MATK: variants seen among roughly 807,000 people sequenced by gnomAD.
The protein encoded by MATK is megakaryocyte-associated tyrosine kinase.
MATK carries 41 observed loss-of-function variants against 59.8 expected under a neutral mutation model. The ratio of observed to expected loss-of-function variants is 0.69; its 90% CI spans 0.53 to 0.89. MATK has a LOEUF of 0.89. Ranked by LOEUF, MATK falls within the 40% of genes least tolerant of loss-of-function variation. The pLI, the probability that MATK is intolerant of heterozygous loss-of-function variation, is 0.00. For synonymous variants in MATK, 308 were observed against 306.1 expected (o/e 1.01, Z -0.06); for missense variants, 593 against 719.6 (o/e 0.82, Z 2.01).
upstream of MATK, chr19:3,786,454 G>C: frequency 1.1e-6 from 1 of 948,798 alleles, no homozygotes; most frequent in Non-Finnish European, 1.3e-6. The surrounding 1 kb of genome is among the most constrained non-coding windows in gnomAD (Gnocchi z 4.1). Flanking sequence ...GGCGCCTCCC[G>C]CGCGCCCCGG....
upstream of MATK, chr19:3,787,726 G>A (rs1376797143): frequency 6.6e-6 from 1 of 151,962 alleles, no homozygotes; most frequent in Non-Finnish European, 1.5e-5. Context: ...CTGAAACAAA[G>A]ATGAAGTTCA....
intron 1 of MATK, among the ~76,000 whole-genome samples, chr19:3,791,873 C>T (rs375749888): frequency 6.6e-5 from 10 of 151,654 alleles, no homozygotes; most frequent in African/African-American, 2.2e-4. Flanking sequence ...TTTGGGAGGC[C>T]GAGGTGGGTG....
intron 6 of MATK, 120 bp from the exon 7 acceptor site, chr19:3,783,339 G>A (rs1326027679): frequency 1.4e-6 from 1 of 715,778 alleles, no homozygotes; most frequent in Non-Finnish European, 2.4e-6. Flanking sequence ...AGAAAGGCTG[G>A]TTTCCATAGG....
chr19:3,785,127 C>T lies in MATK; in HGVS notation c.9G>A (p.Gly3=), dbSNP rs1408077323. The T allele has an allele frequency of 6.2e-7, 1 of 1,614,104 alleles. No homozygotes were observed. The highest frequency in any genetic ancestry group is 8.5e-7 in the Non-Finnish European group (1 of 1,180,006). ...CCCGCCAGGAAACCAGAGAGCCTCGCCCCGCCATCGCCCCCAGAGGGAAAC... is the reference window on the plus strand; with the variant it reads ...CCCGCCAGGAAACCAGAGAGCCTCGTCCCGCCATCGCCCCCAGAGGGAAAC... MA[G]RGSLVSWRAF... is the part of the protein sequence containing the mutation. Residue 3 remains glycine, a synonymous_variant, in exon 2 of 14, where the codon GGG becomes GGA. Transcript: ENST00000310132.
chr19:3,784,470 G>C lies in MATK; in HGVS notation c.133-19C>G. 6.5e-7 allele frequency: 1 copy of C among 1,549,810 alleles called. No homozygotes were observed. The highest frequency in any genetic ancestry group is 1.1e-5 in the South Asian group (1 of 87,130). ...AGCGCCTCTGCAGAGGGGGCCGGGA[G>C]AGGGGCAAAGGGAGGACATCACGGA... On this transcript the variant is annotated intron_variant, in intron 3 of 13. Transcript: ENST00000310132.
chr19:3,780,163 C>T (rs1212765454), intron 8 of MATK, among the ~76,000 whole-genome samples: 1 of 152,014 alleles, frequency 6.6e-6, no homozygotes, highest in Non-Finnish European at 1.5e-5. Flanking sequence ...GCCTGTAATC[C>T]CAGCTACTCG....
Position 3,785,366 on chromosome 19 carries a change from G to T in MATK, c.-151-80C>A. 2.0e-6 allele frequency: 2 copies of T among 1,009,352 alleles called. 1 individual carries two copies. The highest frequency in any genetic ancestry group is 3.4e-5 in the South Asian group (2 of 59,260). The allele number at this position is 1,009,352 out of a possible 1,614,324, so 62.5% of individuals were successfully genotyped here. A position where few individuals can be genotyped will look rare whatever the true frequency, so the allele number is the denominator to read the frequency against. ...CAAGAATCTCTGACCGTGGGGTGGA[G>T]CTGGGGGCAGGGGCGGGTCCTGTAG... is the stretch of plus-strand genomic sequence containing the variant. On this transcript the variant is annotated intron_variant, in intron 1 of 13. Transcript: ENST00000310132.
intron 6 of MATK, among the ~76,000 whole-genome samples, chr19:3,783,601 C>T (rs1478624844): frequency 6.6e-6 from 1 of 152,070 alleles, no homozygotes; most frequent in Non-Finnish European, 1.5e-5. Context: ...CTGGGGGGCC[C>T]TGGGGAATAC....
In MATK at chr19:3,779,085, G is replaced by T; in HGVS notation, c.1104C>A (p.Val368=). The T allele has an allele frequency of 6.2e-7, 1 of 1,609,722 alleles. No individual in the cohort carries two copies. The change falls in exon 12 of 14, where the codon GTC becomes GTA. Residue 368 remains valine, a synonymous_variant. Coordinates refer to ENST00000310132, the MANE Select transcript of MATK (RefSeq NM_139355.3). The part of the protein sequence containing the change: ...ILVSEDLVAK[V]SDFGLAKAER... ...CGGCTTTGGCCAGGCCAAAGTCGCT[G>T]ACCTTGGCCACCAGGTCCTCTGAGA... is the stretch of plus-strand genomic sequence containing the variant.
chr19:3,780,911 A>G (rs1012116853), intron 8 of MATK, among the ~76,000 whole-genome samples: 1 of 148,442 alleles, frequency 6.7e-6, no homozygotes, highest in Admixed American at 6.7e-5. Context: ...TTTTTTTTGT[A>G]CAGATGGGGG....
In MATK at chr19:3,784,902, TC is replaced by T; in HGVS notation, c.73-19del. 1.3e-6 allele frequency: 2 copies of T among 1,496,392 alleles called. No homozygotes were observed. Among genetic ancestry groups the T allele is most frequent in the South Asian group, 1.2e-5 (1 of 83,170 alleles). 92.7% of individuals were successfully genotyped at this position (1,496,392 alleles called of 1,614,324 possible). On this transcript the variant is annotated intron_variant, in intron 2 of 13. Transcript: ENST00000310132. ...GGGCTCACCTGGGGAGGGGACAGAG[TC>T]CAGGTGGGAGCTGGGCTGGGACCCA...
chr19:3,783,722 T>G, intron 6 of MATK, 92 bp downstream of exon 6: 1 of 1,202,798 alleles, frequency 8.3e-7, no homozygotes, highest in South Asian at 1.4e-5. Context: ...GGAGGTCAGG[T>G]GACCCGCCCC....
In MATK at chr19:3,783,979, G is replaced by C. The variant is rs576652080; in HGVS notation, c.417C>G (p.Pro139=). 8.9e-5 allele frequency: 144 copies of C among 1,611,674 alleles called. No individual in the cohort carries two copies. The East Asian group carries it at 2.5e-3, about 28-fold the overall frequency. The change falls in exon 6 of 14, where the codon CCC becomes CCG. Residue 139 remains proline, a synonymous_variant. Coordinates refer to ENST00000310132, the MANE Select transcript of MATK (RefSeq NM_139355.3). ...GQEAVQQLQP[P]EDGLFLVRES... ...CCCGCACCAGGAACAGCCCATCCTC[G>C]GGAGGCTGCAGCTGCTGGACAGCCT...
At chr19:3,791,203 G>C (rs1227693823), upstream of MATK, among the ~76,000 whole-genome samples, 2 of 152,038 alleles carry the variant, frequency 1.3e-5, no homozygotes, top group African/African-American at 2.4e-5. Context: ...TAGATTCCCT[G>C]ATCCCAGCTG....
At chr19:3,801,123 C>T (rs2037639427) in intron 1 of MATK, among the ~76,000 whole-genome samples, 1 of 152,182 alleles carries the variant, frequency 6.6e-6, no homozygotes, top group Non-Finnish European at 1.5e-5. Context: ...AGGCGTGAGC[C>T]ACCGCGCCCG....
At position 3,778,101 on chromosome 19, in the gene MATK, C is replaced by A. The variant is rs1224106690; in HGVS notation, c.*82G>T. On this transcript the variant is annotated 3_prime_UTR_variant, in exon 14 of 14. Transcript: ENST00000310132. ...AGGAGGATGACTTGCCCGCCTGGAC[C>A]CTCCTTGGGCCTGGTCAGTGCCCCC... is the stretch of plus-strand genomic sequence containing the variant. The A allele has an allele frequency of 2.7e-6, 4 of 1,486,584 alleles. No individual in the cohort carries two copies. The highest frequency in any genetic ancestry group is 2.7e-5 in the South Asian group (2 of 74,980). 92.1% of individuals were successfully genotyped at this position (1,486,584 alleles called of 1,614,324 possible).
Position 3,780,727 on chromosome 19 carries a change from C to T in MATK, c.742+880G>A, listed in dbSNP as rs537301632. On this transcript the variant is annotated intron_variant, in intron 8 of 13. Coordinates refer to ENST00000310132, the MANE Select transcript of MATK (RefSeq NM_139355.3). ...GATTACAGGCATGAGCCACTGTGCC[C>T]GGCCAACATTTTTATTTTTAAAATA... is the stretch of plus-strand genomic sequence containing the variant. 2.1e-3 allele frequency among the ~76,000 whole-genome samples: 308 copies of T among 149,442 alleles called. 1 individual carries two copies. Among genetic ancestry groups the T allele is most frequent in the Non-Finnish European group, 3.2e-3 (216 of 67,314 alleles).
In MATK at chr19:3,784,257, C is replaced by T. The variant is rs758340052; in HGVS notation, c.247-18G>A. ...CTCTTGTTCTGCCAGGGAGGAAGCA[C>T]GGGGTTAGTGTGGGGGGTGTGGGGG... On this transcript the variant is annotated intron_variant, in intron 4 of 13. Transcript: ENST00000310132. 8.7e-6 allele frequency: 14 copies of T among 1,605,484 alleles called. No homozygotes were observed. The highest frequency in any genetic ancestry group is 1.7e-4 in the Middle Eastern group (1 of 6,050).
At chr19:3,789,284 G>A, upstream of MATK, 1 of 779,152 alleles carries the variant, frequency 1.3e-6, no homozygotes, top group South Asian at 1.3e-5. Context: ...AGAAGCTGCT[G>A]CTGACCACGG....
Sources: gnomAD v4.1 joint callset for allele counts (sites outside exome capture counted in the v4.1 genomes callset) on GRCh38, gnomAD v4.1.1 for gene constraint, Gnocchi (gnomAD v3.1) non-coding constraint, MANE v1.5 for transcripts, NCBI Gene and HGNC (gene_info 2026-07-23, HGNC 2026-07-21) for gene names.